The following GPT2 variants were observed in gnomAD, a reference collection of about 807,000 sequenced individuals.
GPT2 encodes alanine aminotransferase 2.
Under a neutral mutation model 56.9 loss-of-function variants are expected in GPT2, and 30 were observed. That is an observed-to-expected ratio of 0.53 (90% CI 0.39 to 0.72). GPT2 has a LOEUF of 0.72. Ranked by LOEUF, GPT2 falls within the 30% of genes least tolerant of loss-of-function variation. GPT2 has a pLI of 0.00. For missense variants in GPT2, 542 were observed against 703.4 expected, an observed-to-expected ratio of 0.77 and a Z score of 2.60; for synonymous variants, 271 against 283.1, an observed-to-expected ratio of 0.96 and a Z score of 0.43.
intron 4 of GPT2, among the ~76,000 whole-genome samples, chr16:46,905,774 G>A (rs1960912379): frequency 6.6e-6 from 1 of 152,076 alleles, no homozygotes; most frequent in Admixed American, 6.5e-5. Flanking sequence ...ACACATCGAT[G>A]TCTCCCCACC....
intron 7 of GPT2, 140 bp downstream of exon 7, chr16:46,916,847 T>G: frequency 1.5e-6 from 1 of 660,782 alleles, no homozygotes; most frequent in East Asian, 2.5e-5. Context: ...GGATATTTAG[T>G]TTTACAACTT....
At chr16:46,885,012 C>T in intron 2 of GPT2, 54 bp downstream of exon 2, 1 of 1,407,448 alleles carries the variant, frequency 7.1e-7, no homozygotes, top group Non-Finnish European at 9.3e-7. Flanking sequence ...AGGGAAAAAC[C>T]GCAGCAGCCC....
chr16:46,920,387 G>A (rs952911060), intron 8 of GPT2, among the ~76,000 whole-genome samples: 1 of 152,264 alleles, frequency 6.6e-6, no homozygotes, highest in African/African-American at 2.4e-5. Context: ...AGATGTCCGG[G>A]TGTGAATTGT....
chr16:46,917,751 GAC>G (rs971306258), intron 7 of GPT2, among the ~76,000 whole-genome samples: 8 of 151,802 alleles, frequency 5.3e-5, no homozygotes, highest in African/African-American at 1.9e-4. Flanking sequence ...GACACACACA[GAC>G]ACACGTACAT....
chr16:46,898,958 A>G (rs60652192), intron 3 of GPT2, among the ~76,000 whole-genome samples: 4 of 31,306 alleles, frequency 1.3e-4, no homozygotes, highest in Non-Finnish European at 1.8e-4. Context: ...ATATATGTGT[A>G]TATATATACA....
chr16:46,914,461 C>G (rs373774577), intron 6 of GPT2, among the ~76,000 whole-genome samples: 5 of 152,196 alleles, frequency 3.3e-5, no homozygotes, highest in African/African-American at 1.2e-4. Flanking sequence ...CACTTGAACC[C>G]AGGAGGCAGA....
chr16:46,889,246 A>ATT (rs35803215), intron 2 of GPT2, among the ~76,000 whole-genome samples: 59,742 of 94,832 alleles, frequency 0.63, 21,084 homozygotes, highest in South Asian at 0.88. Context: ...CAGGCTGTTA[A>ATT]TTTTTTTTTT....
intron 10 of GPT2, among the ~76,000 whole-genome samples, chr16:46,925,204 C>T (rs570068347): frequency 1.3e-5 from 2 of 150,382 alleles, no homozygotes; most frequent in African/African-American, 2.5e-5. Flanking sequence ...TGAGCCACTG[C>T]CTGGCTTGTT....
chr16:46,889,006 T>C (rs1279848265), intron 2 of GPT2, among the ~76,000 whole-genome samples: 1 of 152,014 alleles, frequency 6.6e-6, no homozygotes, highest in Non-Finnish European at 1.5e-5. Flanking sequence ...TTATAGCTGT[T>C]CAGCCAAACA....
intron 3 of GPT2, among the ~76,000 whole-genome samples, chr16:46,898,871 C>CATAT (rs35282958): frequency 7.1e-4 from 98 of 138,820 alleles, no homozygotes; most frequent in African/African-American, 2.4e-3. Flanking sequence ...TATTTATATA[C>CATAT]ATATATATAT....
In GPT2 at chr16:46,929,800, C is replaced by T. The variant is rs1961499776; in HGVS notation, c.*803C>T. On this transcript the variant is annotated 3_prime_UTR_variant, in exon 12 of 12. Transcript: ENST00000340124. ...CACATAGTGCAGCCCGGCAGTGTCC[C>T]ACTTCCGTGGAGAGAGCCGCTGGAA... 2 of 152,376 alleles carry T rather than the reference C, an allele frequency of 1.3e-5. No individual in the cohort carries two copies. Among genetic ancestry groups the T allele is most frequent in the South Asian group, 4.1e-4 (2 of 4,838 alleles). The allele number at this position is 152,376 out of a possible 1,614,324, so 9.4% of individuals were successfully genotyped here.
Position 46,900,755 on chromosome 16 carries a change from G to A in GPT2, c.407G>A (p.Arg136Gln), listed in dbSNP as rs757811399. 5.4e-5 allele frequency: 87 copies of A among 1,613,972 alleles called. No individual in the cohort carries two copies. The highest frequency in any genetic ancestry group is 6.6e-5 in the South Asian group (6 of 91,076). The stretch of plus-strand genomic sequence containing the variant: ...CCAGAAGATGCTAAGAAACGTGCCC[G>A]GCGGATCCTGCAGGCTTGTGGCGGG... ...SFPEDAKKRA[R>Q]RILQACGGNS... The change falls in exon 4 of 12, where the codon CGG becomes CAG. Residue 136 changes from arginine to glutamine, a missense_variant. Physicochemically the swap from Arg to Gln is conservative, Grantham distance 43. Coordinates refer to ENST00000340124, the MANE Select transcript of GPT2 (RefSeq NM_133443.4).
Position 46,929,935 on chromosome 16 carries a change from TC to T in GPT2, c.*942del, listed in dbSNP as rs1200782211. 6.6e-6 allele frequency: 1 copy of T among 152,510 alleles called. No homozygotes were observed. The highest frequency in any genetic ancestry group is 1.9e-4 in the East Asian group (1 of 5,192). 9.4% of individuals were successfully genotyped at this position (152,510 alleles called of 1,614,324 possible). A position where few individuals can be genotyped will look rare whatever the true frequency, so the allele number is the denominator to read the frequency against. ...GGGGAAATGAGGGCTGAAAATATCC[TC>T]CCCACAAGGGCAATCCCCGGGACCT... On this transcript the variant is annotated 3_prime_UTR_variant, in exon 12 of 12. Coordinates refer to ENST00000340124, the MANE Select transcript of GPT2 (RefSeq NM_133443.4).
At chr16:46,885,374 C>T in intron 2 of GPT2, 1 of 571,148 alleles carries the variant, frequency 1.8e-6, no homozygotes, top group Non-Finnish European at 2.2e-6. Context: ...GGGAGGGAAA[C>T]CATTTTAGGT....
intron 4 of GPT2, among the ~76,000 whole-genome samples, chr16:46,905,626 C>T (rs1596870573): frequency 1.3e-5 from 2 of 152,198 alleles, no homozygotes; most frequent in Non-Finnish European, 2.9e-5. Context: ...GAGTCTTCTT[C>T]CAGAGAGATC....
intron 2 of GPT2, 96 bp downstream of exon 2, chr16:46,885,054 C>G: frequency 7.3e-7 from 1 of 1,364,480 alleles, no homozygotes; most frequent in Non-Finnish European, 9.5e-7. Context: ...CGTCCACCCC[C>G]ATGGCCAGCT....
At chr16:46,910,427 T>TAC (rs1420475638) in intron 6 of GPT2, among the ~76,000 whole-genome samples, 1 of 130,994 alleles carries the variant, frequency 7.6e-6, no homozygotes, top group Non-Finnish European at 1.6e-5. Flanking sequence ...GGTGTGGTGG[T>TAC]ACATGCGGTC....
chr16:46,893,356 C>A (rs921190081), intron 2 of GPT2, among the ~76,000 whole-genome samples: 15 of 152,182 alleles, frequency 9.9e-5, no homozygotes, highest in Non-Finnish European at 2.1e-4. Flanking sequence ...TGGTCTCGAT[C>A]TGCTGACCTC....
rs559817221 is a variant in GPT2, at chr16:46,910,371, ACT to A, written c.820+447_820+448del. The stretch of plus-strand genomic sequence containing the variant: ...ACTCAAGCCTGGGTGACAGAGCGAG[ACT>A]CTGTCTCAAAAAAAAAAAAAAAAAA... On this transcript the variant is annotated intron_variant, in intron 6 of 11. Transcript: ENST00000340124. Among the ~76,000 whole-genome samples the A allele has an allele frequency of 8.7e-4, 89 of 102,502 alleles. 4 individuals are homozygous for A. In the East Asian group the frequency reaches 0.024, roughly 28 times the overall value. 67.2% of individuals were successfully genotyped at this position (102,502 alleles called of 152,430 possible).
Sources: allele counts gnomAD v4.1 joint callset (sites outside exome capture counted in the v4.1 genomes callset), GRCh38; gene constraint gnomAD v4.1.1; transcripts MANE v1.5; gene names NCBI Gene and HGNC (gene_info 2026-07-23, HGNC 2026-07-21).